The following NRXN3 variants were observed in gnomAD, a reference collection of about 807,000 sequenced individuals.
The protein encoded by NRXN3 is neurexin III.
Under a neutral mutation model 137.6 loss-of-function variants are expected in NRXN3, and 32 were observed. The ratio of observed to expected loss-of-function variants is 0.23; its 90% CI spans 0.18 to 0.31. NRXN3 has a LOEUF of 0.31. Ranked by LOEUF, NRXN3 falls within the 10% of genes least tolerant of loss-of-function variation. NRXN3 has a pLI of 1.00. For synonymous variants in NRXN3, 798 were observed against 784.5 expected, an observed-to-expected ratio of 1.02 and a Z score of -0.29; for missense variants, 1,574 against 2,062.5, an observed-to-expected ratio of 0.76 and a Z score of 4.59.
intron 4 of NRXN3, among the ~76,000 whole-genome samples, chr14:78,330,308 C>A (rs1227110432): frequency 2.0e-5 from 3 of 152,026 alleles, no homozygotes. Context: ...CCACAATGTG[C>A]CTTATGAGTT....
chr14:78,628,306 A>G (rs2097487333), intron 4 of NRXN3, among the ~76,000 whole-genome samples: 1 of 152,146 alleles, frequency 6.6e-6, no homozygotes. Context: ...CCTGGCTTCA[A>G]GTGATCCTTC....
At position 79,370,004 on chromosome 14, in the gene NRXN3, G is replaced by A. The variant is rs113020454; in HGVS notation, c.3263-97217G>A. ...TACACATCCAGAAGGTTTCTTGGGC[G>A]CATTGACCTTCACATATTGTTTGGT... is the stretch of plus-strand genomic sequence containing the variant. On this transcript the variant is annotated intron_variant, in intron 15 of 20. Coordinates refer to ENST00000335750, the MANE Select transcript of NRXN3 (RefSeq NM_001330195.2). Among the ~76,000 whole-genome samples, 160 of 152,270 alleles carry A rather than the reference G, an allele frequency of 1.1e-3. 1 individual carries two copies. The highest frequency in any genetic ancestry group is 3.7e-3 in the African/African-American group (153 of 41,554).
At chr14:79,635,383 A>G (rs1266107880) in intron 16 of NRXN3, among the ~76,000 whole-genome samples, 8 of 152,220 alleles carry the variant, frequency 5.3e-5, no homozygotes, top group Admixed American at 2.0e-4. Context: ...AGGCAAGAGA[A>G]ATTATTTAAG....
chr14:79,554,422 T>G (rs767240105), intron 16 of NRXN3, among the ~76,000 whole-genome samples: 10 of 152,214 alleles, frequency 6.6e-5, no homozygotes, highest in Non-Finnish European at 1.2e-4. Context: ...ACCTATTTCC[T>G]TCTTGTAGGA....
At chr14:78,513,537 C>A (rs748914476) in intron 4 of NRXN3, among the ~76,000 whole-genome samples, 1 of 152,052 alleles carries the variant, frequency 6.6e-6, no homozygotes, top group Non-Finnish European at 1.5e-5. Context: ...TTTCGCATGA[C>A]CATTCTATGA....
chr14:78,579,116 A>G (rs937977567), intron 4 of NRXN3, among the ~76,000 whole-genome samples: 10 of 152,180 alleles, frequency 6.6e-5, no homozygotes, highest in Non-Finnish European at 1.3e-4. Context: ...CTAGGATTCA[A>G]GAACAACGCA....
intron 15 of NRXN3, among the ~76,000 whole-genome samples, chr14:79,027,649 C>T (rs906947732): frequency 1.3e-5 from 2 of 152,038 alleles, no homozygotes; most frequent in Admixed American, 1.3e-4. Context: ...TACTTAAGGG[C>T]CAAGCCACCA....
At position 78,967,846 on chromosome 14, in the gene NRXN3, T is replaced by C. The variant is rs1447362492; in HGVS notation, c.2969-327T>C. ...GTGAGAAGTTTTGATGGCATGTCTG[T>C]ATATCCCTCAGCATATTATTGGTAA... On this transcript the variant is annotated intron_variant, in intron 13 of 20. Transcript: ENST00000335750. Among the ~76,000 whole-genome samples, 3 of 152,184 alleles carry C rather than the reference T, an allele frequency of 2.0e-5. No homozygotes were observed. In the East Asian group the frequency reaches 5.8e-4, roughly 29 times the overall value.
At chr14:78,592,053 G>A (rs981128329) in intron 4 of NRXN3, among the ~76,000 whole-genome samples, 5 of 152,070 alleles carry the variant, frequency 3.3e-5, no homozygotes, top group South Asian at 2.1e-4. Context: ...GACCTATTAC[G>A]GTTATGTAAT....
At chr14:79,382,783 AAAAAT>A (rs1447558356) in intron 15 of NRXN3, among the ~76,000 whole-genome samples, 1 of 152,152 alleles carries the variant, frequency 6.6e-6, no homozygotes, top group African/African-American at 2.4e-5. Flanking sequence ...TTACCATCAA[AAAAAT>A]AAAATAAAAC....
intron 10 of NRXN3, among the ~76,000 whole-genome samples, chr14:78,836,399 T>C (rs2098997113): frequency 6.6e-6 from 1 of 152,216 alleles, no homozygotes; most frequent in South Asian, 2.1e-4. Flanking sequence ...GTATAAGATA[T>C]AAAGAGCAAT....
chr14:78,602,234 G>A (rs1033429960), intron 4 of NRXN3, among the ~76,000 whole-genome samples: 2 of 144,272 alleles, frequency 1.4e-5, no homozygotes, highest in Non-Finnish European at 3.0e-5. Flanking sequence ...GGGTATATAG[G>A]CTTCTCTGGT....
chr14:78,444,513 C>T (rs887714970), intron 4 of NRXN3, among the ~76,000 whole-genome samples: 3 of 152,200 alleles, frequency 2.0e-5, no homozygotes, highest in Non-Finnish European at 2.9e-5. Context: ...TCCTCCCAGT[C>T]ATTCAGCTCT....
rs12588666 is a variant in NRXN3, at chr14:78,581,326, A to G, written c.758-63794A>G. Among the ~76,000 whole-genome samples, 732 of 152,314 alleles carry G rather than the reference A, an allele frequency of 4.8e-3. 18 individuals are homozygous for G. The East Asian group carries it at 0.091, about 19-fold the overall frequency. ...CACAGTCCTGGAGTCTGGGAAGTCC[A>G]AGATCCAGGTGCTGGCACGTTTCAT... On this transcript the variant is annotated intron_variant, in intron 4 of 20. Transcript: ENST00000335750.
chr14:79,415,092 G>A lies in NRXN3; in HGVS notation c.3263-52129G>A, dbSNP rs568550215. 4.6e-5 allele frequency among the ~76,000 whole-genome samples: 7 copies of A among 152,162 alleles called. No homozygotes were observed. In the East Asian group the frequency reaches 1.2e-3, roughly 25 times the overall value. On this transcript the variant is annotated intron_variant, in intron 15 of 20. Coordinates refer to ENST00000335750, the MANE Select transcript of NRXN3 (RefSeq NM_001330195.2). ...TCTATATATATGTGTGTTTATACATGCATACATATCTCTCTCACACATTTT... is the reference window on the plus strand; with the variant it reads ...TCTATATATATGTGTGTTTATACATACATACATATCTCTCTCACACATTTT...
At chr14:79,567,524 T>C (rs930045198) in intron 16 of NRXN3, among the ~76,000 whole-genome samples, 12 of 152,224 alleles carry the variant, frequency 7.9e-5, no homozygotes, top group African/African-American at 2.6e-4. Flanking sequence ...AATTACAATC[T>C]GTCTACTTAA....
At chr14:78,570,949 G>A (rs1280566417) in intron 4 of NRXN3, among the ~76,000 whole-genome samples, 2 of 152,128 alleles carry the variant, frequency 1.3e-5, no homozygotes, top group Admixed American at 1.3e-4. Context: ...TGTCTGGGAG[G>A]AGAAATCCTC....
chr14:79,146,523 C>T (rs919496101), intron 15 of NRXN3, among the ~76,000 whole-genome samples: 2 of 151,980 alleles, frequency 1.3e-5, no homozygotes, highest in African/African-American at 4.8e-5. Flanking sequence ...CTTCACTCTC[C>T]TGGAGTGTAG....
intron 2 of NRXN3, among the ~76,000 whole-genome samples, chr14:78,270,871 A>G (rs909367665): frequency 2.0e-5 from 3 of 152,226 alleles, no homozygotes; most frequent in African/African-American, 7.2e-5. Flanking sequence ...TTCGCTTTTG[A>G]TTATGCAGGA....
Sources: allele counts gnomAD v4.1 joint callset (sites outside exome capture counted in the v4.1 genomes callset), GRCh38; gene constraint gnomAD v4.1.1; transcripts MANE v1.5; gene names NCBI Gene and HGNC (gene_info 2026-07-23, HGNC 2026-07-21).